NF1: variants seen among roughly 807,000 people sequenced by gnomAD.
NF1 encodes neurofibromin 1, also known as neurofibromin.
Under a neutral mutation model 325.7 loss-of-function variants are expected in NF1, and 122 were observed. The ratio of observed to expected loss-of-function variants is 0.37; its 90% CI spans 0.32 to 0.44. The LOEUF (loss-of-function observed/expected upper bound fraction) is 0.44, where lower values mean the gene tolerates loss of function less well. Ranked by LOEUF, NF1 falls within the 20% of genes least tolerant of loss-of-function variation. The probability of loss-of-function intolerance (pLI) is 1.00; values close to 1 mark genes in which losing one functional copy is unlikely to be tolerated. For missense variants in NF1, 2,140 were observed against 3,415.4 expected (o/e 0.63, Z 9.31); for synonymous variants, 1,091 against 1,186.0 (o/e 0.92, Z 1.65).
At chr17:31,260,757 T>C (rs1471702710) in intron 34 of NF1, among the ~76,000 whole-genome samples, 3 of 152,152 alleles carry the variant, frequency 2.0e-5, no homozygotes, top group African/African-American at 7.2e-5. Flanking sequence ...GGTTAAGAAA[T>C]CACAGATTTG....
chr17:31,334,879 T>C lies in NF1; in HGVS notation c.5854T>C (p.Trp1952Arg), dbSNP rs199474791. The change falls in exon 40 of 58, where the codon TGG (tryptophan) becomes CGG (arginine). Residue 1952 changes from tryptophan (W) to arginine (R), a missense_variant. Transcript: ENST00000358273. ...CCTTTGTTTGGAATACATGACTCCA[T>C]GGCTGTCAAATCTAGTTCGTTTTTG... Reference protein sequence around the residue: ...KHLCLEYMTPWLSNLVRFCKH... With the variant: ...KHLCLEYMTPRLSNLVRFCKH... The C allele has an allele frequency of 6.2e-7, 1 of 1,614,014 alleles. No individual in the cohort carries two copies. The highest frequency in any genetic ancestry group is 8.5e-7 in the Non-Finnish European group (1 of 1,179,998).
chr17:31,216,296 C>T (rs1344364284), intron 13 of NF1, among the ~76,000 whole-genome samples: 4 of 152,246 alleles, frequency 2.6e-5, no homozygotes, highest in East Asian at 1.9e-4. Flanking sequence ...CAAAACTTGC[C>T]ATTTTCCAAG....
chr17:31,266,425 C>G (rs1352100309), intron 36 of NF1, among the ~76,000 whole-genome samples: 1 of 152,090 alleles, frequency 6.6e-6, no homozygotes, highest in Non-Finnish European at 1.5e-5. Context: ...ATTGAACCTC[C>G]CGCCACCCCC....
intron 36 of NF1, among the ~76,000 whole-genome samples, chr17:31,278,974 C>T (rs1438467498): frequency 6.6e-6 from 1 of 152,146 alleles, no homozygotes; most frequent in Non-Finnish European, 1.5e-5. Flanking sequence ...TTCAGTGGCT[C>T]ATGCCTATAA....
At position 31,265,235 on chromosome 17, in the gene NF1, G is replaced by A. The variant is rs2067764593; in HGVS notation, c.4731G>A (p.Gln1577=). The A allele has an allele frequency of 1.2e-6, 2 of 1,610,112 alleles. No homozygotes were observed. The highest frequency in any genetic ancestry group is 2.2e-5 in the South Asian group (2 of 90,990). The change falls in exon 36 of 58, where the codon CAG becomes CAA. Residue 1577 remains glutamine, a synonymous_variant. Transcript: ENST00000358273. ...SKFEEFMTRH[Q]VHEKEEFKAL... is the part of the protein sequence containing the mutation. ...TCTGTTATTTTTCTTTTAGGCATCA[G>A]GTACATGAAAAAGAAGAATTCAAGG...
Position 31,094,986 on chromosome 17 carries a change from G to A in NF1, c.-324G>A. On this transcript the variant is annotated 5_prime_UTR_variant, in exon 1 of 58. Coordinates refer to ENST00000358273, the MANE Select transcript of NF1 (RefSeq NM_001042492.3). The stretch of plus-strand genomic sequence containing the variant: ...CCGTGGAAAGGATCCCACTTCCGGT[G>A]GGGTGTCATGGCGGCGTCTCGGACT... The A allele has an allele frequency of 1.9e-6, 1 of 535,642 alleles. No homozygotes were observed. The highest frequency in any genetic ancestry group is 2.0e-5 in the African/African-American group (1 of 50,186). 33.2% of individuals were successfully genotyped at this position (535,642 alleles called of 1,614,324 possible). A position where few individuals can be genotyped will look rare whatever the true frequency, so the allele number is the denominator to read the frequency against.
intron 36 of NF1, among the ~76,000 whole-genome samples, chr17:31,279,225 A>G (rs1038846246): frequency 2.0e-5 from 3 of 152,144 alleles, no homozygotes; most frequent in African/African-American, 7.2e-5. Flanking sequence ...TCAGCCAGTT[A>G]AGGGGACAGA....
chr17:31,174,352 T>A (rs2065982373), intron 5 of NF1, among the ~76,000 whole-genome samples: 2 of 152,220 alleles, frequency 1.3e-5, no homozygotes, highest in Admixed American at 1.3e-4. Context: ...CACTTTCGTA[T>A]GCTGCTTGGT....
chr17:31,248,848 T>G, intron 29 of NF1, 136 bp from the exon 30 acceptor site: 1 of 792,780 alleles, frequency 1.3e-6, no homozygotes. Context: ...TTTTTTATAG[T>G]TGGTTGTTTA....
intron 4 of NF1, among the ~76,000 whole-genome samples, chr17:31,163,932 G>A (rs1275502089): frequency 1.3e-5 from 2 of 152,160 alleles, no homozygotes; most frequent in African/African-American, 4.8e-5. Context: ...AAAACACAAG[G>A]AGGTGAATAA....
intron 30 of NF1, chr17:31,250,970 CATT>C (rs1191053847): frequency 5.2e-6 from 1 of 192,072 alleles, no homozygotes; most frequent in East Asian, 8.2e-5. Flanking sequence ...TGGGTAAAAG[CATT>C]GTTGAAGAGC....
intron 31 of NF1, among the ~76,000 whole-genome samples, chr17:31,256,521 G>A (rs1036993998): frequency 6.6e-6 from 1 of 152,316 alleles, no homozygotes; most frequent in African/African-American, 2.4e-5. Context: ...CTAAAATTAT[G>A]TGAAGAATTT....
chr17:31,129,131 A>C (rs1236179844), intron 1 of NF1, among the ~76,000 whole-genome samples: 1 of 151,930 alleles, frequency 6.6e-6, no homozygotes, highest in Non-Finnish European at 1.5e-5. Context: ...CTTTTTGTGA[A>C]ATATTTTGTG....
At position 31,349,183 on chromosome 17, in the gene NF1, C is replaced by T. The variant is rs764022114; in HGVS notation, c.7253C>T (p.Thr2418Ile). 2 of 1,613,096 alleles carry T rather than the reference C, an allele frequency of 1.2e-6. No homozygotes were observed. The highest frequency in any genetic ancestry group is 1.7e-6 in the Non-Finnish European group (2 of 1,179,532). Residue 2418 changes from threonine to isoleucine, a missense_variant, in exon 49 of 58, where the codon ACT becomes ATT. Around this residue, in one of 10 missense-constraint regions of NF1, gnomAD observed 522 missense variants for 749.0 expected, o/e 0.70. Transcript: ENST00000358273. ...GTCAGAATTTTACATACACTACTAA[C>T]TCTGGTTAACAAACACAGAAATTGT... ...RTVRILHTLLTLVNKHRNCDK... is the reference protein window; with the variant it reads ...RTVRILHTLLILVNKHRNCDK...
rs1183435676 is a variant in NF1, at chr17:31,336,564, G to A, written c.6148-71G>A. 1 of 1,582,228 alleles carries A rather than the reference G, an allele frequency of 6.3e-7. No individual in the cohort carries two copies. The highest frequency in any genetic ancestry group is 1.8e-5 in the Admixed American group (1 of 56,576). On this transcript the variant is annotated intron_variant, in intron 41 of 57. Transcript: ENST00000358273. The surrounding 1 kb of genome is among the most constrained non-coding windows in gnomAD (Gnocchi z 5.5). ...TTTGTAATTACTTTTAAATTAAACT[G>A]AACTTTTTTGTGCTAAAACTTTGAG...
chr17:31,144,293 TTGAG>T (rs1345724674), intron 1 of NF1, among the ~76,000 whole-genome samples: 2 of 152,222 alleles, frequency 1.3e-5, no homozygotes, highest in African/African-American at 2.4e-5. Context: ...CCATCCTCTC[TTGAG>T]TAAGACTGTT....
At chr17:31,246,292 T>TTC (rs1326109861) in intron 29 of NF1, among the ~76,000 whole-genome samples, 2 of 152,342 alleles carry the variant, frequency 1.3e-5, no homozygotes, top group African/African-American at 4.8e-5. Context: ...TCTATGCAAA[T>TTC]TCTGTGCCTC....
chr17:31,134,937 G>C (rs1206937677), intron 1 of NF1, among the ~76,000 whole-genome samples: 2 of 152,114 alleles, frequency 1.3e-5, no homozygotes, highest in Admixed American at 6.5e-5. Context: ...GATGACACAC[G>C]GGTGTGGATA....
At chr17:31,369,623 A>G (rs920436703) in intron 57 of NF1, among the ~76,000 whole-genome samples, 11 of 152,232 alleles carry the variant, frequency 7.2e-5, no homozygotes, top group South Asian at 2.1e-4. Context: ...AGGAGAGCCA[A>G]TGCTTTAGGG....
Sources: gnomAD v4.1 joint callset for allele counts (sites outside exome capture counted in the v4.1 genomes callset) on GRCh38, gnomAD v4.1.1 for gene constraint, gnomAD v4.1.1 regional missense constraint, Gnocchi (gnomAD v3.1) non-coding constraint, MANE v1.5 for transcripts, NCBI Gene and HGNC (gene_info 2026-07-23, HGNC 2026-07-21) for gene names.